ATRNL1: variants seen among roughly 807,000 people sequenced by gnomAD.
ATRNL1 encodes attractin-like protein 1.
A neutral mutation model predicts 182.7 loss-of-function variants in ATRNL1; 95 were observed. The observed-to-expected ratio is 0.52, with a 90% confidence interval of 0.44 to 0.62. ATRNL1 has a LOEUF of 0.62. Ranked by LOEUF, ATRNL1 falls within the 20% of genes least tolerant of loss-of-function variation. ATRNL1 has a pLI of 0.00. For synonymous variants in ATRNL1, 576 were observed against 568.3 expected, an observed-to-expected ratio of 1.01 and a Z score of -0.19; for missense variants, 1,471 against 1,679.5, an observed-to-expected ratio of 0.88 and a Z score of 2.17.
At chr10:115,918,028 G>C (rs115468942) in intron 28 of ATRNL1, among the ~76,000 whole-genome samples, 156 of 150,538 alleles carry the variant, frequency 1.0e-3, no homozygotes, top group African/African-American at 3.7e-3. Context: ...TTATTGCCTT[G>C]CTGCAAAATA....
At chr10:115,921,006 T>C (rs1953040611) in intron 28 of ATRNL1, among the ~76,000 whole-genome samples, 1 of 152,212 alleles carries the variant, frequency 6.6e-6, no homozygotes. Flanking sequence ...ATCTGAAATT[T>C]CCTTCCCTTC....
chr10:115,947,960 C>T lies in ATRNL1; in HGVS notation c.*3181C>T, dbSNP rs1448554284. 1.3e-5 allele frequency: 2 copies of T among 152,232 alleles called. No homozygotes were observed. The highest frequency in any genetic ancestry group is 4.8e-5 in the African/African-American group (2 of 41,472). The allele number at this position is 152,232 out of a possible 1,614,324, so 9.4% of individuals were successfully genotyped here. On this transcript the variant is annotated 3_prime_UTR_variant, in exon 29 of 29. Coordinates refer to ENST00000355044, the MANE Select transcript of ATRNL1 (RefSeq NM_207303.4). Reference sequence around the variant, plus strand: ...ACAGTGGGACCTTGATGCAGCGTAGCTGGTATTAACAACCGTGGGGACACC... The same window carrying T: ...ACAGTGGGACCTTGATGCAGCGTAGTTGGTATTAACAACCGTGGGGACACC...
At chr10:115,364,103 C>G (rs1554945133) in intron 19 of ATRNL1, among the ~76,000 whole-genome samples, 1 of 146,726 alleles carries the variant, frequency 6.8e-6, no homozygotes, top group East Asian at 2.0e-4. Context: ...TGTAAATTAC[C>G]TTGGGCAGTA....
At chr10:115,610,812 T>C (rs1202940025) in intron 26 of ATRNL1, among the ~76,000 whole-genome samples, 1 of 152,194 alleles carries the variant, frequency 6.6e-6, no homozygotes, top group Non-Finnish European at 1.5e-5. Context: ...AAGTTGATTC[T>C]GTTTTATTGA....
In ATRNL1 at chr10:115,839,444, T is replaced by G. The variant is rs140117116; in HGVS notation, c.3904-8433T>G. On this transcript the variant is annotated intron_variant, in intron 27 of 28. Transcript: ENST00000355044. ...ATTTTGGAGGGCCTCAGTCTTCCTC[T>G]CTTGCCTCTTCTCATCCCTCTTTAC... Among the ~76,000 whole-genome samples the G allele has an allele frequency of 3.9e-3, 589 of 152,276 alleles. 1 individual carries two copies. Among genetic ancestry groups the G allele is most frequent in the Admixed American group, 7.5e-3 (114 of 15,284 alleles).
intron 20 of ATRNL1, among the ~76,000 whole-genome samples, chr10:115,395,271 GATT>G (rs1844230019): frequency 1.3e-5 from 2 of 152,004 alleles, no homozygotes; most frequent in Admixed American, 6.6e-5. Flanking sequence ...CATTTAGGTT[GATT>G]CCATGTCCTT....
chr10:115,515,815 C>T (rs575234956), intron 24 of ATRNL1, among the ~76,000 whole-genome samples: 1 of 151,874 alleles, frequency 6.6e-6, no homozygotes, highest in South Asian at 2.1e-4. Context: ...TTGTCAAATC[C>T]AGTAGCCATA....
At position 115,897,932 on chromosome 10, in the gene ATRNL1, A is replaced by ATT. The variant is rs113910145; in HGVS notation, c.4019-46715_4019-46714dup. On this transcript the variant is annotated intron_variant, in intron 28 of 28. Coordinates refer to ENST00000355044, the MANE Select transcript of ATRNL1 (RefSeq NM_207303.4). ...ATATATTCTCGTATAGGTCATCCTT[A>ATT]TTTTTTTTTTTTGAGACAGGGTCTC... is the stretch of plus-strand genomic sequence containing the variant. 8.8e-4 allele frequency among the ~76,000 whole-genome samples: 128 copies of ATT among 146,030 alleles called. 1 individual carries two copies. The highest frequency in any genetic ancestry group is 7.0e-3 in the South Asian group (32 of 4,588).
chr10:115,567,705 A>G (rs189280002), intron 26 of ATRNL1, among the ~76,000 whole-genome samples: 2 of 152,260 alleles, frequency 1.3e-5, no homozygotes, highest in East Asian at 3.9e-4. Flanking sequence ...ATTTTGTTAA[A>G]ATGTACTTAT....
intron 26 of ATRNL1, among the ~76,000 whole-genome samples, chr10:115,623,550 A>C (rs1324907521): frequency 6.6e-6 from 1 of 152,184 alleles, no homozygotes; most frequent in Non-Finnish European, 1.5e-5. Context: ...AAAGCTGAAC[A>C]TTAATGAGCT....
chr10:115,882,882 G>T (rs559000757), intron 28 of ATRNL1, among the ~76,000 whole-genome samples: 1 of 152,180 alleles, frequency 6.6e-6, no homozygotes. Context: ...CCAATGGGCC[G>T]CCAGTTATTT....
intron 20 of ATRNL1, among the ~76,000 whole-genome samples, chr10:115,408,428 G>C (rs1554958936): frequency 6.6e-6 from 1 of 152,204 alleles, no homozygotes; most frequent in Admixed American, 6.5e-5. Flanking sequence ...TAGATCGTTT[G>C]TTTTCTTGCT....
chr10:115,763,880 A>G (rs1555074294), intron 27 of ATRNL1, among the ~76,000 whole-genome samples: 4 of 152,210 alleles, frequency 2.6e-5, no homozygotes, highest in South Asian at 2.1e-4. Flanking sequence ...CTAAATGCCT[A>G]TTACATAACA....
At chr10:115,663,873 T>A (rs1251067612) in intron 26 of ATRNL1, among the ~76,000 whole-genome samples, 3 of 151,626 alleles carry the variant, frequency 2.0e-5, no homozygotes, top group Non-Finnish European at 2.9e-5. Flanking sequence ...GCCCCATGAA[T>A]CTCTATGCCC....
intron 6 of ATRNL1, among the ~76,000 whole-genome samples, chr10:115,162,425 G>C (rs1846834731): frequency 6.6e-6 from 1 of 151,938 alleles, no homozygotes; most frequent in Admixed American, 6.6e-5. Context: ...GGAACTCCTT[G>C]AGGTGTTTGA....
At chr10:115,386,987 A>G (rs1345875597) in intron 19 of ATRNL1, among the ~76,000 whole-genome samples, 1 of 151,832 alleles carries the variant, frequency 6.6e-6, no homozygotes, top group Admixed American at 6.6e-5. Context: ...TTGCGGCACT[A>G]TTCACAATAG....
chr10:115,745,029 T>C (rs1011507693), intron 27 of ATRNL1, among the ~76,000 whole-genome samples: 3 of 152,090 alleles, frequency 2.0e-5, no homozygotes, highest in African/African-American at 7.2e-5. Flanking sequence ...AATGTGCTCA[T>C]CACCATGGAA....
chr10:115,501,475 A>G (rs1229114115), intron 24 of ATRNL1, among the ~76,000 whole-genome samples: 1 of 152,144 alleles, frequency 6.6e-6, no homozygotes, highest in Non-Finnish European at 1.5e-5. Flanking sequence ...TGATTCCTTA[A>G]AAGAAAGTAC....
intron 19 of ATRNL1, among the ~76,000 whole-genome samples, chr10:115,371,522 A>G (rs778493189): frequency 6.6e-6 from 1 of 152,226 alleles, no homozygotes; most frequent in Non-Finnish European, 1.5e-5. Context: ...GAGCTTTAAA[A>G]TTTGACTGTC....
Sources: allele counts gnomAD v4.1 joint callset (sites outside exome capture counted in the v4.1 genomes callset), GRCh38; gene constraint gnomAD v4.1.1; transcripts MANE v1.5; gene names NCBI Gene and HGNC (gene_info 2026-07-23, HGNC 2026-07-21).